The following PLIN2 variants were observed in gnomAD, a reference collection of about 807,000 sequenced individuals.
The protein encoded by PLIN2 is perilipin 2, also known as perilipin-2.
A neutral mutation model predicts 30.6 loss-of-function variants in PLIN2; 33 were observed. The ratio of observed to expected loss-of-function variants is 1.08; its 90% CI spans 0.82 to 1.44. The LOEUF (loss-of-function observed/expected upper bound fraction) is 1.44, where lower values mean the gene tolerates loss of function less well. PLIN2 is among the 40% of genes most tolerant of loss of function. The pLI is 0.00. For missense variants in PLIN2, 610 were observed against 531.8 expected, an observed-to-expected ratio of 1.15 and a Z score of -1.45; for synonymous variants, 205 against 201.1, an observed-to-expected ratio of 1.02 and a Z score of -0.16.
At chr9:19,110,825 C>T (rs1209622699), downstream of PLIN2, among the ~76,000 whole-genome samples, 1 of 152,168 alleles carries the variant, frequency 6.6e-6, no homozygotes, top group Non-Finnish European at 1.5e-5. Context: ...TTCATAAAAT[C>T]TGTACCAGCT....
chr9:19,124,966 C>G (rs1206398498), intron 3 of PLIN2, among the ~76,000 whole-genome samples: 1 of 151,990 alleles, frequency 6.6e-6, no homozygotes, highest in African/African-American at 2.4e-5. Context: ...CGAAAGAAGC[C>G]AATCACAAAA....
In PLIN2 at chr9:19,120,943, T is replaced by A. The variant is rs766310707; in HGVS notation, c.532A>T (p.Asn178Tyr). 2 of 1,614,126 alleles carry A rather than the reference T, an allele frequency of 1.2e-6. No homozygotes were observed. Residue 178 changes from asparagine (N) to tyrosine (Y), a missense_variant, in exon 5 of 8, where the codon AAT becomes TAT. By Grantham distance (143) the Asn-to-Tyr change is moderately radical. Transcript: ENST00000276914. Reference protein sequence around the residue: ...MMQLVSSGVENALTKSELLVE... With the variant: ...MMQLVSSGVEYALTKSELLVE... Reference sequence around the variant, plus strand: ...AACAGCTCTGATTTGGTGAGTGCATTTTCTACGCCACTGCTCACGAGCTGC... The same window carrying A: ...AACAGCTCTGATTTGGTGAGTGCATATTCTACGCCACTGCTCACGAGCTGC...
chr9:19,116,459 T>C lies in PLIN2; in HGVS notation c.1103A>G (p.Asp368Gly). The change falls in exon 8 of 8, where the codon GAC becomes GGC. Residue 368 changes from aspartate to glycine, a missense_variant. By Grantham distance (94) the Asp-to-Gly change is moderately conservative. Transcript: ENST00000276914. ...RNAASFKEVS[D>G]SLLTSSKGQL... is the part of the protein sequence containing the mutation. ...CCCCTTGCTAGAAGTGAGGAGGCTGTCAGACACTTCTTTAAAGGAGGCAGC... is the reference window on the plus strand; with the variant it reads ...CCCCTTGCTAGAAGTGAGGAGGCTGCCAGACACTTCTTTAAAGGAGGCAGC... 6.2e-7 allele frequency: 1 copy of C among 1,614,140 alleles called. No homozygotes were observed. The highest frequency in any genetic ancestry group is 8.5e-7 in the Non-Finnish European group (1 of 1,179,974).
intron 2 of PLIN2, among the ~76,000 whole-genome samples, chr9:19,109,098 A>G (rs1403756238): frequency 1.3e-5 from 2 of 152,236 alleles, no homozygotes; most frequent in African/African-American, 4.8e-5. Flanking sequence ...ATGTTTAGCA[A>G]CTGAGGAAAC....
At chr9:19,108,965 C>G (rs1382438928) in intron 2 of PLIN2, among the ~76,000 whole-genome samples, 1 of 152,120 alleles carries the variant, frequency 6.6e-6, no homozygotes, top group Non-Finnish European at 1.5e-5. Context: ...GTGGTGGAAC[C>G]TAGTCAATGA....
At position 19,116,516 on chromosome 9, in the gene PLIN2, A is replaced by G. The variant is rs1171592421; in HGVS notation, c.1046T>C (p.Met349Thr). The G allele has an allele frequency of 6.2e-7, 1 of 1,614,128 alleles. No homozygotes were observed. Among genetic ancestry groups the G allele is most frequent in the East Asian group, 2.2e-5 (1 of 44,882 alleles). ...IQDQAKHMGV[M>T]AGDIYSVFRN... ...GAACACTGAGTAGATGTCGCCTGCC[A>G]TCACCCCCATGTGCTTGGCTTGATC... Residue 349 changes from methionine (M) to threonine (T), a missense_variant, in exon 8 of 8, where the codon ATG becomes ACG. Coordinates refer to ENST00000276914, the MANE Select transcript of PLIN2 (RefSeq NM_001122.4).
intron 3 of PLIN2, among the ~76,000 whole-genome samples, chr9:19,124,053 A>G (rs1818360854): frequency 6.6e-6 from 1 of 151,376 alleles, no homozygotes; most frequent in South Asian, 2.1e-4. Flanking sequence ...TTGATCTTAT[A>G]CAACAGAAGG....
intron 5 of PLIN2, among the ~76,000 whole-genome samples, chr9:19,120,082 C>G (rs1818291244): frequency 6.7e-6 from 1 of 150,010 alleles, no homozygotes; most frequent in Admixed American, 6.7e-5. Flanking sequence ...TTTTTGGAAA[C>G]AGGTCTTGCT....
At chr9:19,115,710 T>C (rs1175770493), downstream of PLIN2, 3 of 152,664 alleles carry the variant, frequency 2.0e-5, no homozygotes, top group Admixed American at 6.5e-5. Context: ...GTCATGCAGG[T>C]TAAGCAGCTC....
At chr9:19,115,077 ATCAC>A (rs1818202092), downstream of PLIN2, among the ~76,000 whole-genome samples, 1 of 152,166 alleles carries the variant, frequency 6.6e-6, no homozygotes, top group Non-Finnish European at 1.5e-5. Context: ...GATTTAAACA[ATCAC>A]TCACTTCCTT....
intron 5 of PLIN2, among the ~76,000 whole-genome samples, chr9:19,120,143 C>G (rs1818292172): frequency 1.3e-5 from 2 of 151,928 alleles, no homozygotes; most frequent in Non-Finnish European, 2.9e-5. Context: ...ACTGCAGCCT[C>G]AACCTCCCGA....
At chr9:19,124,433 T>C (rs1049297955) in intron 3 of PLIN2, among the ~76,000 whole-genome samples, 7 of 152,130 alleles carry the variant, frequency 4.6e-5, no homozygotes, top group African/African-American at 1.7e-4. Flanking sequence ...GAGATTTTAG[T>C]GTGAGCTTCC....
chr9:19,126,793 G>C (rs1262873288), intron 1 of PLIN2, among the ~76,000 whole-genome samples: 1 of 152,142 alleles, frequency 6.6e-6, no homozygotes, highest in Admixed American at 6.5e-5. Context: ...TGTAATCCCA[G>C]CACTTTGGGA....
rs993245222 is a variant in PLIN2, at chr9:19,125,896, C to G, written c.226+218G>C. ...CAAGACTGCGCCACTGAACTCCAGC[C>G]TGAGTGATAGAGTGAGACTCCATCT... On this transcript the variant is annotated intron_variant, in intron 3 of 7. Transcript: ENST00000276914. The G allele has an allele frequency of 2.5e-5, 11 of 446,946 alleles. No individual in the cohort carries two copies. The Middle Eastern group carries it at 1.9e-3, about 76-fold the overall frequency. The allele number at this position is 446,946 out of a possible 1,614,324, so 27.7% of individuals were successfully genotyped here.
chr9:19,117,724 TCTC>T (rs1245860273), intron 7 of PLIN2, among the ~76,000 whole-genome samples: 1 of 151,850 alleles, frequency 6.6e-6, no homozygotes, highest in Non-Finnish European at 1.5e-5. Context: ...TTCAAGCTAT[TCTC>T]CTGCCTCAGC....
At chr9:19,126,045 A>G (rs1377898547) in intron 3 of PLIN2, 69 bp downstream of exon 3, 481 of 1,335,126 alleles carry the variant, frequency 3.6e-4, no homozygotes, top group Non-Finnish European at 2.5e-5. Context: ...TCCAGATGTT[A>G]CTGCTGTGAG....
intron 4 of PLIN2, among the ~76,000 whole-genome samples, chr9:19,122,868 A>G (rs1312872611): frequency 2.0e-5 from 3 of 152,178 alleles, no homozygotes; most frequent in Non-Finnish European, 4.4e-5. Context: ...ACTGTCTTCC[A>G]TGGAACCAGT....
downstream of PLIN2, among the ~76,000 whole-genome samples, chr9:19,115,271 T>C (rs990372453): frequency 7.3e-5 from 11 of 151,324 alleles, no homozygotes; most frequent in Non-Finnish European, 1.5e-4. Flanking sequence ...AAGCATCCTA[T>C]TTTTTTTTAA....
At chr9:19,109,292 C>T (rs537163374) in intron 2 of PLIN2, among the ~76,000 whole-genome samples, 3 of 152,130 alleles carry the variant, frequency 2.0e-5, no homozygotes, top group East Asian at 1.9e-4. Context: ...CAGTGGCTCA[C>T]GCCTGTAATC....
Sources: gnomAD v4.1 joint callset for allele counts (sites outside exome capture counted in the v4.1 genomes callset) on GRCh38, gnomAD v4.1.1 for gene constraint, MANE v1.5 for transcripts, NCBI Gene and HGNC (gene_info 2026-07-23, HGNC 2026-07-21) for gene names.